Variants in PCDHGA10 observed in about 807,000 individuals in gnomAD.
PCDHGA10 encodes the protein protocadherin gamma subfamily A, 10.
In PCDHGA10, 42 loss-of-function variants were observed where a neutral mutation model predicts 59.5. The ratio of observed to expected loss-of-function variants is 0.71; its 90% CI spans 0.55 to 0.91. The LOEUF (loss-of-function observed/expected upper bound fraction) is 0.91. PCDHGA10 is among the 40% of genes least tolerant of loss of function. The pLI, the probability that PCDHGA10 is intolerant of heterozygous loss-of-function variation, is 0.00. For synonymous variants in PCDHGA10, 511 were observed against 517.2 expected, an observed-to-expected ratio of 0.99 and a Z score of 0.16; for missense variants, 1,111 against 1,198.2, an observed-to-expected ratio of 0.93 and a Z score of 1.07.
chr5:141,494,855 G>C lies in PCDHGA10; in HGVS notation c.2485G>C (p.Gly829Arg), dbSNP rs200418116. The C allele has an allele frequency of 6.2e-7, 1 of 1,614,092 alleles. No homozygotes were observed. Among genetic ancestry groups the C allele is most frequent in the South Asian group, 1.1e-5 (1 of 91,072 alleles). ...DWRFSQAQRP[G>R]TSGSQNGDDT... is the part of the protein sequence containing the mutation. ...GCGTTTCTCTCAGGCCCAGAGACCC[G>C]GCACCAGCGGGTAGGTGACTGATTC... The change falls in exon 2 of 4, where the codon GGC (glycine) becomes CGC (arginine). Residue 829 changes from glycine (G) to arginine (R), a missense_variant. Transcript: ENST00000398610.
At chr5:141,450,829 ATT>A (rs373424450) in intron 1 of PCDHGA10, among the ~76,000 whole-genome samples, 3 of 135,116 alleles carry the variant, frequency 2.2e-5, no homozygotes, top group African/African-American at 2.7e-5. Flanking sequence ...TATTATTATT[ATT>A]TTTTTTTTTT....
intron 1 of PCDHGA10, among the ~76,000 whole-genome samples, chr5:141,462,203 G>A (rs544238255): frequency 2.6e-5 from 4 of 152,036 alleles, no homozygotes; most frequent in East Asian, 1.9e-4. Flanking sequence ...CAGGTGATCC[G>A]CCTGCCTCGG....
intron 1 of PCDHGA10, chr5:141,433,226 C>G (rs1433770157): frequency 6.6e-7 from 1 of 1,514,890 alleles, no homozygotes; most frequent in Non-Finnish European, 9.0e-7. Context: ...TTTTTAATTG[C>G]TCTGTCTCCC....
At position 141,432,902 on chromosome 5, in the gene PCDHGA10, A is replaced by C. The variant is rs992417865; in HGVS notation, c.2436+17291A>C. The C allele has an allele frequency of 1.2e-6, 2 of 1,614,028 alleles. No homozygotes were observed. The highest frequency in any genetic ancestry group is 2.7e-5 in the African/African-American group (2 of 74,924). On this transcript the variant is annotated intron_variant, in intron 1 of 3. Coordinates refer to ENST00000398610, the MANE Select transcript of PCDHGA10 (RefSeq NM_018913.3). The surrounding 1 kb of genome is among the most constrained non-coding windows in gnomAD (Gnocchi z 6.0). ...CTTCGTCATCTTGCTGCTGGCGCTCAGGCTGCGGCGCTGGCACAAGTCACG... is the reference window on the plus strand; with the variant it reads ...CTTCGTCATCTTGCTGCTGGCGCTCCGGCTGCGGCGCTGGCACAAGTCACG...
rs776189143 is a variant in PCDHGA10, at chr5:141,422,957, A to G, written c.2436+7346A>G. 11 of 1,614,190 alleles carry G rather than the reference A, an allele frequency of 6.8e-6. 1 individual carries two copies. The South Asian group carries it at 7.7e-5, about 11-fold the overall frequency. Reference sequence around the variant, plus strand: ...CCCACAGACGGCTCCACTGGCGTGGAGCTGGCGCCCCGCTCTGCGGAACCT... The same window carrying G: ...CCCACAGACGGCTCCACTGGCGTGGGGCTGGCGCCCCGCTCTGCGGAACCT... On this transcript the variant is annotated intron_variant, in intron 1 of 3. Coordinates refer to ENST00000398610, the MANE Select transcript of PCDHGA10 (RefSeq NM_018913.3).
chr5:141,461,040 G>A (rs536064886), intron 1 of PCDHGA10, among the ~76,000 whole-genome samples: 123 of 150,514 alleles, frequency 8.2e-4, no homozygotes, highest in East Asian at 2.5e-3. Flanking sequence ...CTCATTAGTC[G>A]ATGGGGACTT....
At chr5:141,428,102 G>A (rs774075619) in intron 1 of PCDHGA10, 1 of 1,608,518 alleles carries the variant, frequency 6.2e-7, no homozygotes, top group Non-Finnish European at 8.5e-7. Context: ...CCTACCACGT[G>A]CTGCAGGCCA....
At chr5:141,441,709 C>T in intron 1 of PCDHGA10, 1 of 321,306 alleles carries the variant, frequency 3.1e-6, no homozygotes, top group Non-Finnish European at 6.1e-6. Flanking sequence ...TTCAAGCTCA[C>T]GCTGCAGGCC....
chr5:141,426,754 T>C, intron 1 of PCDHGA10: 1 of 456,314 alleles, frequency 2.2e-6, no homozygotes, highest in Non-Finnish European at 4.4e-6. Context: ...GAATCTGCTA[T>C]AGATGCAGAT....
chr5:141,490,088 ACCACAC>A lies in PCDHGA10; in HGVS notation c.2437-4718_2437-4713del. On this transcript the variant is annotated intron_variant, in intron 1 of 3. Transcript: ENST00000398610. The surrounding 1 kb of genome is among the most constrained non-coding windows in gnomAD (Gnocchi z 5.4). The stretch of plus-strand genomic sequence containing the variant: ...GGCCAACTAGACTATTCTTTTGGAG[ACCACAC>A]ATCTGAGGCAGTGCGGAACCTCTTT... The A allele has an allele frequency of 6.2e-7, 1 of 1,614,190 alleles. No homozygotes were observed. Among genetic ancestry groups the A allele is most frequent in the Non-Finnish European group, 8.5e-7 (1 of 1,180,004 alleles).
chr5:141,419,177 C>G (rs1223789288), intron 1 of PCDHGA10: 3 of 1,613,980 alleles, frequency 1.9e-6, no homozygotes, highest in Non-Finnish European at 2.5e-6. Flanking sequence ...AACCATAACC[C>G]TGCACATTAC....
chr5:141,485,899 C>A lies in PCDHGA10; in HGVS notation c.2437-8908C>A, dbSNP rs775312856. 12 of 1,614,166 alleles carry A rather than the reference C, an allele frequency of 7.4e-6. No individual in the cohort carries two copies. The highest frequency in any genetic ancestry group is 8.5e-6 in the Non-Finnish European group (10 of 1,180,032). On this transcript the variant is annotated intron_variant, in intron 1 of 3. Coordinates refer to ENST00000398610, the MANE Select transcript of PCDHGA10 (RefSeq NM_018913.3). The surrounding 1 kb of genome is among the most constrained non-coding windows in gnomAD (Gnocchi z 5.7). ...ACGTAAACGACAACGCCCCAGCCTT[C>A]CAGCAATCCAGCTACAGGATTAGTG...
chr5:141,451,579 A>G (rs1222576609), intron 1 of PCDHGA10, among the ~76,000 whole-genome samples: 1 of 152,084 alleles, frequency 6.6e-6, no homozygotes, highest in Non-Finnish European at 1.5e-5. Flanking sequence ...TTATAAACCT[A>G]ATTTTGAAAG....
chr5:141,488,672 G>A (rs1012955473), intron 1 of PCDHGA10, among the ~76,000 whole-genome samples: 20 of 152,208 alleles, frequency 1.3e-4, no homozygotes, highest in African/African-American at 4.8e-4. Context: ...GAATACATGG[G>A]CTTTGCCTCT....
intron 2 of PCDHGA10, among the ~76,000 whole-genome samples, chr5:141,495,702 T>G (rs1462896403): frequency 6.6e-6 from 1 of 152,212 alleles, no homozygotes; most frequent in African/African-American, 2.4e-5. Context: ...TCAATAAATG[T>G]GGAGTGAGTA....
chr5:141,428,091 T>A lies in PCDHGA10; in HGVS notation c.2436+12480T>A, dbSNP rs769710543. 1.1e-5 allele frequency: 17 copies of A among 1,609,000 alleles called. No homozygotes were observed. In the African/African-American group the frequency reaches 1.5e-4, roughly 14 times the overall value. On this transcript the variant is annotated intron_variant, in intron 1 of 3. Transcript: ENST00000398610. ...AGATTCGGGACACAACGCTTGGCTGTCCTACCACGTGCTGCAGGCCATCGA... is the reference window on the plus strand; with the variant it reads ...AGATTCGGGACACAACGCTTGGCTGACCTACCACGTGCTGCAGGCCATCGA...
At position 141,476,387 on chromosome 5, in the gene PCDHGA10, C is replaced by T. The variant is rs147660262; in HGVS notation, c.2437-18420C>T. The T allele has an allele frequency of 6.2e-6, 10 of 1,613,958 alleles. No homozygotes were observed. Among genetic ancestry groups the T allele is most frequent in the Non-Finnish European group, 7.6e-6 (9 of 1,180,032 alleles). ...GACCGGAGAGATGTTTGTGAACGAC[C>T]GTCTGGATCGAGAGGAGCTGTGTGG... On this transcript the variant is annotated intron_variant, in intron 1 of 3. Coordinates refer to ENST00000398610, the MANE Select transcript of PCDHGA10 (RefSeq NM_018913.3). This position sits in a 1 kb window ranked among gnomAD's most constrained non-coding sequence, Gnocchi z 7.6.
intron 2 of PCDHGA10, among the ~76,000 whole-genome samples, chr5:141,496,097 A>C (rs1329818315): frequency 6.6e-6 from 1 of 151,148 alleles, no homozygotes; most frequent in Non-Finnish European, 1.5e-5. Context: ...CCACCCACCA[A>C]CACCCCGCTC....
At chr5:141,418,876 C>A (rs917800201) in intron 1 of PCDHGA10, 1 of 1,613,844 alleles carries the variant, frequency 6.2e-7, no homozygotes. Context: ...AAGTTGTAGA[C>A]GAAAACGACA....
Sources: gnomAD v4.1 joint callset for allele counts (sites outside exome capture counted in the v4.1 genomes callset) on GRCh38, gnomAD v4.1.1 for gene constraint, Gnocchi (gnomAD v3.1) non-coding constraint, MANE v1.5 for transcripts, NCBI Gene and HGNC (gene_info 2026-07-23, HGNC 2026-07-21) for gene names.